Variants in CCDC178 observed in about 807,000 individuals in gnomAD.
CCDC178 encodes the protein coiled-coil domain containing 178, also known as coiled-coil domain-containing protein 178.
In CCDC178, 126 loss-of-function variants were observed where a neutral mutation model predicts 117.4. The observed-to-expected ratio is 1.07, with a 90% CI of 0.93 to 1.24. The LOEUF (loss-of-function observed/expected upper bound fraction) is 1.24. CCDC178 is among the 50% of genes most tolerant of loss of function. CCDC178 has a pLI of 0.00. For missense variants in CCDC178, 1,030 were observed against 986.9 expected (o/e 1.04, Z -0.59); for synonymous variants, 283 against 313.4 (o/e 0.90, Z 1.02).
chr18:33,300,472 G>C lies in CCDC178; in HGVS notation c.1023-7160C>G, dbSNP rs142469143. On this transcript the variant is annotated intron_variant, in intron 11 of 22. Coordinates refer to ENST00000383096, the MANE Select transcript of CCDC178 (RefSeq NM_001105528.4). Reference sequence around the variant, plus strand: ...GAGGAGTTTAGAGAGCTCAGAAGAAGACAGGAAGGTGAGAGAAGGTTTGGA... The same window carrying C: ...GAGGAGTTTAGAGAGCTCAGAAGAACACAGGAAGGTGAGAGAAGGTTTGGA... 7.3e-4 allele frequency among the ~76,000 whole-genome samples: 111 copies of C among 152,324 alleles called. No homozygotes were observed. In the East Asian group the frequency reaches 0.02, roughly 28 times the overall value.
At chr18:33,379,149 TAATATATATATTTCCATATATATA>T (rs2063403938) in intron 5 of CCDC178, among the ~76,000 whole-genome samples, 1 of 104,592 alleles carries the variant, frequency 9.6e-6, no homozygotes, top group African/African-American at 3.2e-5. Flanking sequence ...CATATATATA[TAATATATATATTTCCATATATATA>T]ATATATATAT....
At chr18:33,408,686 T>C (rs771559613) in intron 3 of CCDC178, among the ~76,000 whole-genome samples, 2 of 152,128 alleles carry the variant, frequency 1.3e-5, no homozygotes, top group Non-Finnish European at 1.5e-5. Context: ...TTTTCTATTT[T>C]AAAATATCAA....
rs80115273 is a variant in CCDC178 at position 33,397,970 on chromosome 18, A to G, written c.59-762T>C. Among the ~76,000 whole-genome samples the G allele has an allele frequency of 7.7e-3, 1,176 of 152,260 alleles. 8 individuals are homozygous for G. Among genetic ancestry groups the G allele is most frequent in the Non-Finnish European group, 0.013 (888 of 67,972 alleles). On this transcript the variant is annotated intron_variant, in intron 3 of 22. Transcript: ENST00000383096. Reference sequence around the variant, plus strand: ...AAGAATGTAAATTATGCTTCACATTAGGAAGATAAACATTGTAAAAGTATC... The same window carrying G: ...AAGAATGTAAATTATGCTTCACATTGGGAAGATAAACATTGTAAAAGTATC...
At chr18:32,976,273 G>T (rs1341657651) in intron 21 of CCDC178, among the ~76,000 whole-genome samples, 2 of 152,014 alleles carry the variant, frequency 1.3e-5, no homozygotes, top group Non-Finnish European at 2.9e-5. Flanking sequence ...AATGTGGGGA[G>T]GTATGCTGTA....
At chr18:33,008,166 A>C (rs1448128529) in intron 21 of CCDC178, among the ~76,000 whole-genome samples, 1 of 129,116 alleles carries the variant, frequency 7.7e-6, no homozygotes, top group Non-Finnish European at 1.7e-5. Context: ...GCAAACCAAT[A>C]ATTAGTAACA....
chr18:33,069,315 TG>T (rs1313583841), intron 21 of CCDC178, among the ~76,000 whole-genome samples: 2 of 152,062 alleles, frequency 1.3e-5, no homozygotes, highest in African/African-American at 4.8e-5. Flanking sequence ...ATCATGGTAC[TG>T]GGATTAAAAA....
chr18:33,076,579 A>G (rs1489839250), intron 21 of CCDC178, among the ~76,000 whole-genome samples: 1 of 152,110 alleles, frequency 6.6e-6, no homozygotes, highest in Admixed American at 6.5e-5. Flanking sequence ...AGCACTCCAC[A>G]CTTTGTGTGA....
chr18:33,303,854 A>G (rs893691439), intron 11 of CCDC178, among the ~76,000 whole-genome samples: 2 of 152,170 alleles, frequency 1.3e-5, no homozygotes, highest in African/African-American at 4.8e-5. Context: ...GTCAGGGCAC[A>G]CTGCCTGTCT....
chr18:33,031,242 T>G (rs2056336376), intron 21 of CCDC178, among the ~76,000 whole-genome samples: 2 of 138,484 alleles, frequency 1.4e-5, no homozygotes, highest in South Asian at 2.3e-4. Flanking sequence ...TTTTTGGAGT[T>G]TTTTTTTTTT....
intron 20 of CCDC178, among the ~76,000 whole-genome samples, chr18:33,166,627 A>G (rs955123122): frequency 1.3e-5 from 2 of 152,146 alleles, no homozygotes; most frequent in Non-Finnish European, 2.9e-5. Context: ...AATCAAATAG[A>G]CATTCATTTT....
intron 21 of CCDC178, among the ~76,000 whole-genome samples, chr18:33,042,731 C>T (rs780269345): frequency 6.6e-6 from 1 of 151,864 alleles, no homozygotes; most frequent in South Asian, 2.1e-4. Flanking sequence ...ACAGTTGCAA[C>T]TTACTTTCAA....
At chr18:33,117,199 T>C (rs906524502) in intron 20 of CCDC178, among the ~76,000 whole-genome samples, 3 of 152,158 alleles carry the variant, frequency 2.0e-5, no homozygotes, top group Non-Finnish European at 4.4e-5. Context: ...AAAGGTCACC[T>C]CTGCAGAAGA....
At chr18:33,169,283 G>A (rs271463) in intron 20 of CCDC178, among the ~76,000 whole-genome samples, 24,542 of 152,052 alleles carry the variant, frequency 0.16, 2,771 homozygotes, top group African/African-American at 0.32. Flanking sequence ...TTCCTCTTAG[G>A]GATACATTTT....
At chr18:33,099,410 G>T (rs1291675385) in intron 20 of CCDC178, among the ~76,000 whole-genome samples, 1 of 151,918 alleles carries the variant, frequency 6.6e-6, no homozygotes, top group East Asian at 1.9e-4. Flanking sequence ...ATACCGTGAG[G>T]CTTTGATGTC....
At chr18:33,224,177 A>G (rs2059272839) in intron 17 of CCDC178, among the ~76,000 whole-genome samples, 1 of 152,180 alleles carries the variant, frequency 6.6e-6, no homozygotes, top group African/African-American at 2.4e-5. Context: ...AAATAAATAT[A>G]TGTATGGCCT....
chr18:33,319,213 C>T (rs2062466363), intron 11 of CCDC178, among the ~76,000 whole-genome samples: 1 of 151,482 alleles, frequency 6.6e-6, no homozygotes, highest in Non-Finnish European at 1.5e-5. Context: ...CATGACAGGC[C>T]CCAGTGTGTG....
chr18:32,974,723 G>A (rs1294925194), intron 21 of CCDC178, 42 bp from the exon 22 acceptor site: 1 of 1,597,698 alleles, frequency 6.3e-7, no homozygotes, highest in South Asian at 1.1e-5. Context: ...GTCAGAGGAG[G>A]AGAGGAAATT....
intron 10 of CCDC178, among the ~76,000 whole-genome samples, chr18:33,325,926 C>A (rs1433570389): frequency 1.3e-5 from 2 of 152,158 alleles, no homozygotes; most frequent in East Asian, 3.9e-4. Context: ...CCAACATCAC[C>A]CTTTTCTAGT....
At chr18:33,302,394 A>C (rs912344484) in intron 11 of CCDC178, among the ~76,000 whole-genome samples, 2 of 152,262 alleles carry the variant, frequency 1.3e-5, no homozygotes, top group African/African-American at 4.8e-5. Context: ...AATAAAAATA[A>C]GGAGCTCTTC....
Sources: allele counts gnomAD v4.1 joint callset (sites outside exome capture counted in the v4.1 genomes callset), GRCh38; gene constraint gnomAD v4.1.1; transcripts MANE v1.5; gene names NCBI Gene and HGNC (gene_info 2026-07-23, HGNC 2026-07-21).